The following REPS1 variants were observed in gnomAD, a reference collection of about 807,000 sequenced individuals.
REPS1 encodes RALBP1 associated Eps domain containing 1.
Under a neutral mutation model 100.9 loss-of-function variants are expected in REPS1, and 39 were observed. The observed-to-expected ratio is 0.39, with a 90% CI of 0.30 to 0.50. The LOEUF (loss-of-function observed/expected upper bound fraction) is 0.50, where lower values mean the gene tolerates loss of function less well. REPS1 is among the 20% of genes least tolerant of loss of function. The pLI, the probability that REPS1 is intolerant of heterozygous loss-of-function variation, is 0.86. For synonymous variants in REPS1, 324 were observed against 340.3 expected, an observed-to-expected ratio of 0.95 and a Z score of 0.53; for missense variants, 821 against 968.5, an observed-to-expected ratio of 0.85 and a Z score of 2.02.
At chr6:138,962,299 A>G (rs1342431051) in intron 1 of REPS1, among the ~76,000 whole-genome samples, 1 of 151,762 alleles carries the variant, frequency 6.6e-6, no homozygotes, top group Non-Finnish European at 1.5e-5. Context: ...TTATATATTA[A>G]CCTCCCTTCC....
intron 1 of REPS1, among the ~76,000 whole-genome samples, chr6:138,979,427 G>A (rs982386524): frequency 6.6e-6 from 1 of 151,930 alleles, no homozygotes; most frequent in Non-Finnish European, 1.5e-5. Flanking sequence ...CCCTTTCATA[G>A]GTAAACTTCT....
chr6:138,939,199 A>G (rs948975852), intron 8 of REPS1, among the ~76,000 whole-genome samples: 1 of 152,240 alleles, frequency 6.6e-6, no homozygotes, highest in Non-Finnish European at 1.5e-5. Context: ...AAATATGAAA[A>G]GCAGATTTGA....
At chr6:138,945,073 CA>C in intron 4 of REPS1, 145 bp downstream of exon 4, 2 of 610,220 alleles carry the variant, frequency 3.3e-6, no homozygotes, top group South Asian at 4.1e-5. Context: ...TTGTTACTTT[CA>C]AAAAATCTCT....
intron 1 of REPS1, among the ~76,000 whole-genome samples, chr6:138,969,237 AAAC>A (rs1229015301): frequency 1.1e-4 from 16 of 150,050 alleles, no homozygotes; most frequent in South Asian, 4.2e-4. Context: ...CCCTAGTTGC[AAAC>A]AACACACAAT....
At chr6:138,962,032 A>G (rs894985084) in intron 1 of REPS1, among the ~76,000 whole-genome samples, 2 of 152,240 alleles carry the variant, frequency 1.3e-5, no homozygotes, top group African/African-American at 4.8e-5. Context: ...GGAATTTTCT[A>G]TAATATATTC....
In REPS1 at chr6:138,945,242, G is replaced by A. The variant is rs369960749; in HGVS notation, c.605C>T (p.Ser202Phe). ...ACCTGATTGTGCTTCACCAAAGGGA[G>A]ACCAAAATGGCCCAGGTCCCGCGAG... ...RPLAGPGPFW[S>F]PFGEAQSGSS... The change falls in exon 4 of 20, where the codon TCT becomes TTT. Residue 202 changes from serine to phenylalanine, a missense_variant. Ser to Phe is a radical substitution (Grantham distance 155). Coordinates refer to ENST00000450536, the MANE Select transcript of REPS1 (RefSeq NM_001286611.2). 2 of 1,609,838 alleles carry A rather than the reference G, an allele frequency of 1.2e-6. No individual in the cohort carries two copies.
chr6:138,987,659 A>C lies in REPS1; in HGVS notation c.24T>G (p.Asp8Glu). The C allele has an allele frequency of 6.5e-7, 1 of 1,549,070 alleles. No individual in the cohort carries two copies. Among genetic ancestry groups the C allele is most frequent in the South Asian group, 1.2e-5 (1 of 83,902 alleles). Reference protein sequence around the residue: MEGLTLSDAEQKYYSDLF... With the variant: MEGLTLSEAEQKYYSDLF... ...GATCTGAATAGTATTTCTGCTCCGCATCGCTCAGCGTTAAGCCTTCCATCT... is the reference window on the plus strand; with the variant it reads ...GATCTGAATAGTATTTCTGCTCCGCCTCGCTCAGCGTTAAGCCTTCCATCT... Residue 8 changes from aspartate to glutamate, a missense_variant, in exon 1 of 20, where the codon GAT becomes GAG. Asp to Glu is a conservative substitution (Grantham distance 45, BLOSUM62 2). This residue lies in a region of REPS1 where 36 missense variants were observed against 36.7 expected (regional missense o/e 0.98). Transcript: ENST00000450536.
At chr6:138,908,436 A>G (rs1266427154) in intron 18 of REPS1, among the ~76,000 whole-genome samples, 1 of 152,120 alleles carries the variant, frequency 6.6e-6, no homozygotes, top group Non-Finnish European at 1.5e-5. Flanking sequence ...CTGGGACTAC[A>G]GGTGTGTACC....
intron 1 of REPS1, among the ~76,000 whole-genome samples, chr6:138,952,014 A>G (rs1222449742): frequency 6.6e-6 from 1 of 152,176 alleles, no homozygotes; most frequent in African/African-American, 2.4e-5. Flanking sequence ...TTAGATTTCT[A>G]ACTCACCAAG....
intron 15 of REPS1, among the ~76,000 whole-genome samples, chr6:138,914,468 G>A (rs1343252289): frequency 6.6e-6 from 1 of 152,180 alleles, no homozygotes; most frequent in Non-Finnish European, 1.5e-5. Context: ...ACTCTTCTCT[G>A]TCAAGACATT....
Position 138,982,792 on chromosome 6 carries a change from C to T in REPS1, c.153+4738G>A, listed in dbSNP as rs560725388. ...TAAACTCAGAATAGATTTTCCTCTGCTATTCAAAAGCAACTGTAATGAACA... is the reference window on the plus strand; with the variant it reads ...TAAACTCAGAATAGATTTTCCTCTGTTATTCAAAAGCAACTGTAATGAACA... On this transcript the variant is annotated intron_variant, in intron 1 of 19. Transcript: ENST00000450536. Among the ~76,000 whole-genome samples, 42 of 152,334 alleles carry T rather than the reference C, an allele frequency of 2.8e-4. No homozygotes were observed. In the South Asian group the frequency reaches 8.3e-3, roughly 30 times the overall value.
chr6:138,975,896 T>C (rs1475733199), intron 1 of REPS1, among the ~76,000 whole-genome samples: 1 of 152,112 alleles, frequency 6.6e-6, no homozygotes, highest in Non-Finnish European at 1.5e-5. Flanking sequence ...GGAAATGAAA[T>C]CTCAAGAGAG....
At chr6:138,945,733 A>G in intron 2 of REPS1, 36 bp from the exon 3 acceptor site, 1 of 1,458,466 alleles carries the variant, frequency 6.9e-7, no homozygotes, top group Non-Finnish European at 9.2e-7. Flanking sequence ...TTCAAAATAA[A>G]AAAGGACATA....
intron 15 of REPS1, 134 bp downstream of exon 15, chr6:138,914,563 T>C (rs1013268808): frequency 1.4e-5 from 10 of 709,856 alleles, no homozygotes; most frequent in Non-Finnish European, 2.2e-5. Flanking sequence ...AGATTCAGCC[T>C]CACTGAATTA....
chr6:138,911,639 G>A (rs550666283), intron 16 of REPS1, among the ~76,000 whole-genome samples: 42 of 150,528 alleles, frequency 2.8e-4, no homozygotes, highest in Admixed American at 7.3e-4. Context: ...AGGACAGAGC[G>A]AGGATGCAGG....
intron 8 of REPS1, among the ~76,000 whole-genome samples, chr6:138,935,434 A>G (rs1332827138): frequency 6.6e-6 from 1 of 152,196 alleles, no homozygotes; most frequent in East Asian, 1.9e-4. Context: ...TAAACATGGG[A>G]AAAAATCCAT....
intron 1 of REPS1, among the ~76,000 whole-genome samples, chr6:138,955,429 C>A (rs948873025): frequency 6.8e-5 from 8 of 118,088 alleles, no homozygotes; most frequent in South Asian, 3.0e-4. Flanking sequence ...CAGAATTAAA[C>A]CCTGTCTCTT....
At chr6:138,916,188 A>T in intron 13 of REPS1, 1 of 481,488 alleles carries the variant, frequency 2.1e-6, no homozygotes, top group South Asian at 3.0e-5. Context: ...AATTTTTTTA[A>T]TAAAGTTATT....
chr6:138,969,859 A>ATTTTTTTTTTT (rs56070030), intron 1 of REPS1, among the ~76,000 whole-genome samples: 47 of 94,624 alleles, frequency 5.0e-4, no homozygotes, highest in East Asian at 7.3e-4. Context: ...GTGAATTGGG[A>ATTTTTTTTTTT]TTTTTTTTTT....
Sources: allele counts gnomAD v4.1 joint callset (sites outside exome capture counted in the v4.1 genomes callset), GRCh38; gene constraint gnomAD v4.1.1; regional missense constraint gnomAD v4.1.1; transcripts MANE v1.5; gene names NCBI Gene and HGNC (gene_info 2026-07-23, HGNC 2026-07-21).